RGS12: variants seen among roughly 807,000 people sequenced by gnomAD.
RGS12 encodes regulator of G protein signaling 12, also known as regulator of G-protein signaling 12.
RGS12 carries 66 observed loss-of-function variants against 120.1 expected under a neutral mutation model. The observed-to-expected ratio is 0.55, with a 90% CI of 0.45 to 0.67. RGS12 has a LOEUF of 0.67. Ranked by LOEUF, RGS12 falls within the 30% of genes least tolerant of loss-of-function variation. The probability of loss-of-function intolerance (pLI) is 0.00; values close to 1 mark genes in which losing one functional copy is unlikely to be tolerated. For synonymous variants in RGS12, 827 were observed against 804.7 expected (o/e 1.03, Z -0.47); for missense variants, 1,859 against 1,957.7 (o/e 0.95, Z 0.95).
At chr4:3,308,288 C>T (rs1320014649) in intron 1 of RGS12, among the ~76,000 whole-genome samples, 1 of 152,248 alleles carries the variant, frequency 6.6e-6, no homozygotes, top group Non-Finnish European at 1.5e-5. Context: ...ACGATCTCAA[C>T]AGCCGGCGTT....
At chr4:3,428,527 AAGT>A in intron 15 of RGS12, 28 bp from the exon 16 acceptor site, 3 of 1,549,036 alleles carry the variant, frequency 1.9e-6, no homozygotes, top group Non-Finnish European at 2.6e-6. Context: ...ATTGAAATGA[AAGT>A]AGAACTTTGA....
intron 3 of RGS12, among the ~76,000 whole-genome samples, chr4:3,381,826 A>C (rs2343800): frequency 6.6e-6 from 1 of 152,062 alleles, no homozygotes; most frequent in African/African-American, 2.4e-5. Context: ...GAAATTGGTC[A>C]TGACTTTTCC....
At chr4:3,393,378 G>A (rs1046985893) in intron 4 of RGS12, among the ~76,000 whole-genome samples, 5 of 152,158 alleles carry the variant, frequency 3.3e-5, no homozygotes, top group African/African-American at 1.2e-4. Flanking sequence ...AGCCACAGGT[G>A]GAGGCTCCTG....
At chr4:3,286,870 C>T in the RGS12 span, among the ~76,000 whole-genome samples, 1 of 152,238 alleles carries the variant, frequency 6.6e-6, no homozygotes, top group Non-Finnish European at 1.5e-5. Context: ...GGAGCCCGGT[C>T]AGCAGTGCCT....
At chr4:3,307,222 G>A (rs1408219697) in intron 1 of RGS12, among the ~76,000 whole-genome samples, 2 of 152,312 alleles carry the variant, frequency 1.3e-5, no homozygotes, top group East Asian at 1.9e-4. Flanking sequence ...CTGCTTTTCC[G>A]GTCCTGGGAT....
At chr4:3,325,712 C>T (rs371876974) in intron 2 of RGS12, among the ~76,000 whole-genome samples, 6 of 152,124 alleles carry the variant, frequency 3.9e-5, no homozygotes, top group Non-Finnish European at 7.4e-5. Context: ...CACCCCAGTA[C>T]CCAAATCAGA....
intron 1 of RGS12, among the ~76,000 whole-genome samples, chr4:3,311,857 G>C (rs528424032): frequency 2.6e-5 from 4 of 152,222 alleles, no homozygotes; most frequent in Non-Finnish European, 5.9e-5. Flanking sequence ...GTGTGACGTG[G>C]TCGGTGACTC....
chr4:3,306,534 G>A (rs530276480), intron 1 of RGS12, among the ~76,000 whole-genome samples: 9 of 152,360 alleles, frequency 5.9e-5, no homozygotes, highest in East Asian at 3.9e-4. Flanking sequence ...CTCCTGTCCT[G>A]CCTTGCTTGT....
In RGS12 at chr4:3,439,727, G is replaced by A. The variant is rs773646107; in HGVS notation, c.*43G>A. On this transcript the variant is annotated 3_prime_UTR_variant, in exon 18 of 18. Transcript: ENST00000336727. ...AACTCTCCTGTGGACATGTCGGGGTGGGGCAGCCCAGGTGGATTCTGTGGG... is the reference window on the plus strand; with the variant it reads ...AACTCTCCTGTGGACATGTCGGGGTAGGGCAGCCCAGGTGGATTCTGTGGG... 5 of 1,447,976 alleles carry A rather than the reference G, an allele frequency of 3.5e-6. No individual in the cohort carries two copies. The African/African-American group carries it at 4.3e-5, about 12-fold the overall frequency. The allele number at this position is 1,447,976 out of a possible 1,614,324, so 89.7% of individuals were successfully genotyped here. A position where few individuals can be genotyped will look rare whatever the true frequency, so the allele number is the denominator to read the frequency against.
Position 3,433,110 on chromosome 4 carries a change from A to G in RGS12, c.4114+2155A>G, listed in dbSNP as rs1560182549. 6.6e-6 allele frequency among the ~76,000 whole-genome samples: 1 copy of G among 152,190 alleles called. No homozygotes were observed. The highest frequency in any genetic ancestry group is 1.5e-5 in the Non-Finnish European group (1 of 68,020). On this transcript the variant is annotated intron_variant, in intron 17 of 17. Coordinates refer to ENST00000336727, the MANE Select transcript of RGS12 (RefSeq NM_001394154.1). This position sits in a 1 kb window ranked among gnomAD's most constrained non-coding sequence, Gnocchi z 4.4. ...GTGGTGGCCTGATGGAACCTCTTTC[A>G]CATCTGTGGGCCGGGGCGAGCCTGG...
intron 13 of RGS12, among the ~76,000 whole-genome samples, chr4:3,424,636 C>T (rs1430614436): frequency 2.6e-5 from 4 of 152,342 alleles, no homozygotes; most frequent in East Asian, 3.9e-4. Flanking sequence ...GGGCTGGCTG[C>T]GGTCAGGCTC....
At chr4:3,426,900 G>A (rs1723718765) in intron 14 of RGS12, 1 of 152,200 alleles carries the variant, frequency 6.6e-6, no homozygotes, top group African/African-American at 2.4e-5. Flanking sequence ...CTCACTTTGT[G>A]AGGAGCCACT....
rs572009998 is a variant in RGS12, at chr4:3,439,579, G to T, written c.4239G>T (p.Ser1413=). 3 of 1,611,070 alleles carry T rather than the reference G, an allele frequency of 1.9e-6. No homozygotes were observed. The highest frequency in any genetic ancestry group is 1.7e-5 in the Admixed American group (1 of 59,846). Residue 1413 remains serine, a synonymous_variant, in exon 18 of 18, where the codon TCG becomes TCT. Coordinates refer to ENST00000336727, the MANE Select transcript of RGS12 (RefSeq NM_001394154.1). ...GGGCACAGGCTGGCCCTGGGAGGTCGCAGGCCAGTGGTGGGCCTCCTACAT... is the reference window on the plus strand; with the variant it reads ...GGGCACAGGCTGGCCCTGGGAGGTCTCAGGCCAGTGGTGGGCCTCCTACAT... ...IAGAQAGPGR[S]QASGGPPTSD... is the part of the protein sequence containing the mutation.
chr4:3,412,112 A>G (rs1560157968), intron 4 of RGS12, among the ~76,000 whole-genome samples: 1 of 152,222 alleles, frequency 6.6e-6, no homozygotes, highest in Non-Finnish European at 1.5e-5. Context: ...ATTTTTTTCT[A>G]TAGCAGTTTA....
At chr4:3,428,531 A>G (rs1723916191) in intron 15 of RGS12, 27 bp from the exon 16 acceptor site, 3 of 1,555,664 alleles carry the variant, frequency 1.9e-6, no homozygotes, top group East Asian at 4.5e-5. Context: ...AAATGAAAGT[A>G]GAACTTTGAC....
intron 3 of RGS12, among the ~76,000 whole-genome samples, chr4:3,383,593 G>A (rs1257787177): frequency 4.2e-5 from 6 of 143,798 alleles, no homozygotes; most frequent in African/African-American, 1.3e-4. Context: ...GTGACAGAGC[G>A]AGACTGTCAA....
At chr4:3,308,734 G>T (rs957653635) in intron 1 of RGS12, among the ~76,000 whole-genome samples, 2 of 152,254 alleles carry the variant, frequency 1.3e-5, no homozygotes, top group Non-Finnish European at 2.9e-5. Flanking sequence ...TCAGGGCTTG[G>T]TGGGCCCTTT....
In RGS12 at chr4:3,365,198, C is replaced by T. The variant is rs1716174002; in HGVS notation, c.1999-21218C>T. Reference sequence around the variant, plus strand: ...GGGCCAGGGATGGCAGACCGCAGTCCCCGGCCAGATCCACTGCCTGTTCTT... The same window carrying T: ...GGGCCAGGGATGGCAGACCGCAGTCTCCGGCCAGATCCACTGCCTGTTCTT... On this transcript the variant is annotated intron_variant, in intron 3 of 17. Transcript: ENST00000336727. The surrounding 1 kb of genome is among the most constrained non-coding windows in gnomAD (Gnocchi z 4.0). Among the ~76,000 whole-genome samples the T allele has an allele frequency of 6.6e-6, 1 of 152,142 alleles. No homozygotes were observed. Among genetic ancestry groups the T allele is most frequent in the Admixed American group, 6.5e-5 (1 of 15,282 alleles).
chr4:3,395,044 T>C (rs975814011), intron 4 of RGS12, among the ~76,000 whole-genome samples: 1 of 151,878 alleles, frequency 6.6e-6, no homozygotes, highest in Non-Finnish European at 1.5e-5. Context: ...AAAAAAAACA[T>C]TAGCTGGATG....
Sources: gnomAD v4.1 joint callset for allele counts (sites outside exome capture counted in the v4.1 genomes callset) on GRCh38, gnomAD v4.1.1 for gene constraint, Gnocchi (gnomAD v3.1) non-coding constraint, MANE v1.5 for transcripts, NCBI Gene and HGNC (gene_info 2026-07-23, HGNC 2026-07-21) for gene names.